The following ZC3H12B variants were observed in gnomAD, a reference collection of about 807,000 sequenced individuals.
The protein encoded by ZC3H12B is probable ribonuclease ZC3H12B.
ZC3H12B carries 7 observed loss-of-function variants against 43.9 expected under a neutral mutation model. The observed-to-expected ratio is 0.16, with a 90% CI of 0.09 to 0.30. The LOEUF (loss-of-function observed/expected upper bound fraction) is 0.30. Among genes scored for constraint, ZC3H12B ranks in the 10% least tolerant of loss-of-function variants. The pLI, the probability that ZC3H12B is intolerant of heterozygous loss-of-function variation, is 1.00. For missense variants in ZC3H12B, 475 were observed against 670.2 expected, an observed-to-expected ratio of 0.71 and a Z score of 3.22; for synonymous variants, 222 against 241.7, an observed-to-expected ratio of 0.92 and a Z score of 0.76.
chrX:65,168,951 A>T, the ZC3H12B span, among the ~76,000 whole-genome samples: 2 of 110,127 alleles, frequency 1.8e-5, no homozygotes, highest in Non-Finnish European at 3.8e-5. Context: ...TAGTCTTGCT[A>T]GTGGTCTATT....
chrX:65,222,131 A>C, the ZC3H12B span, among the ~76,000 whole-genome samples: 1 of 111,814 alleles, frequency 8.9e-6, no homozygotes, highest in African/African-American at 3.2e-5. Flanking sequence ...CAGAAAAAGC[A>C]TTTTACAAAA....
At chrX:65,084,402 C>G in the ZC3H12B span, among the ~76,000 whole-genome samples, 1 of 111,608 alleles carries the variant, frequency 9.0e-6, no homozygotes, top group Non-Finnish European at 1.9e-5. Flanking sequence ...GCTCAAACAA[C>G]TCTACAGAAA....
the ZC3H12B span, among the ~76,000 whole-genome samples, chrX:65,342,412 A>C: frequency 6.8e-4 from 76 of 112,220 alleles, no homozygotes; most frequent in South Asian, 8.0e-3. Context: ...AATTGGACAT[A>C]AAACACTCTT....
chrX:65,099,702 CA>C, the ZC3H12B span, among the ~76,000 whole-genome samples: 26 of 111,131 alleles, frequency 2.3e-4, no homozygotes, highest in African/African-American at 8.5e-4. Context: ...GGACCCCCCA[CA>C]CACACACAGA....
the ZC3H12B span, among the ~76,000 whole-genome samples, chrX:65,257,142 A>ACACATGCT: frequency 1.8e-5 from 2 of 112,167 alleles, no homozygotes; most frequent in Non-Finnish European, 3.8e-5. Flanking sequence ...TGCCATAAAG[A>ACACATGCT]CACATGCTCA....
At chrX:65,108,003 T>C in the ZC3H12B span, among the ~76,000 whole-genome samples, 1 of 111,628 alleles carries the variant, frequency 9.0e-6, no homozygotes, top group African/African-American at 3.2e-5. Flanking sequence ...AGACAAGTGT[T>C]TGTGTCTCTA....
the ZC3H12B span, among the ~76,000 whole-genome samples, chrX:65,058,464 T>C: frequency 8.9e-6 from 1 of 112,160 alleles, no homozygotes; most frequent in African/African-American, 3.2e-5. Flanking sequence ...TAACCAGCCA[T>C]GTGAGGTGTC....
At chrX:65,098,352 GTTA>G in the ZC3H12B span, among the ~76,000 whole-genome samples, 3 of 110,436 alleles carry the variant, frequency 2.7e-5, no homozygotes, top group Non-Finnish European at 5.7e-5. Context: ...AACACAGAAA[GTTA>G]TTATAAGGAA....
chrX:65,108,412 A>T, the ZC3H12B span, among the ~76,000 whole-genome samples: 4 of 110,166 alleles, frequency 3.6e-5, no homozygotes, highest in East Asian at 8.6e-4. Context: ...ATTTAATTTA[A>T]TTTTTTTTAA....
At chrX:65,085,071 A>C in the ZC3H12B span, among the ~76,000 whole-genome samples, 1 of 111,808 alleles carries the variant, frequency 8.9e-6, no homozygotes, top group African/African-American at 3.3e-5. Flanking sequence ...AATTGAACTC[A>C]TGGACATAGT....
the ZC3H12B span, among the ~76,000 whole-genome samples, chrX:65,154,692 T>A: frequency 9.0e-6 from 1 of 110,756 alleles, no homozygotes; most frequent in South Asian, 3.8e-4. Context: ...TCTACAAAAA[T>A]AAAAGAATTA....
chrX:65,218,096 G>C, the ZC3H12B span, among the ~76,000 whole-genome samples: 2 of 112,320 alleles, frequency 1.8e-5, no homozygotes, highest in African/African-American at 6.5e-5. Flanking sequence ...AAGGGACTCT[G>C]TTACATCTTA....
At chrX:65,449,772 T>A (rs2067443370) in intron 3 of ZC3H12B, among the ~76,000 whole-genome samples, 1 of 111,696 alleles carries the variant, frequency 9.0e-6, no homozygotes, top group African/African-American at 3.3e-5. Flanking sequence ...AAATACTGTA[T>A]GTTCTCACTT....
the ZC3H12B span, among the ~76,000 whole-genome samples, chrX:65,167,189 G>A: frequency 8.9e-6 from 1 of 111,918 alleles, no homozygotes; most frequent in African/African-American, 3.3e-5. Flanking sequence ...TAACATTTAA[G>A]TCTTTAATCC....
intron 3 of ZC3H12B, among the ~76,000 whole-genome samples, chrX:65,452,841 AACACACACACACACAC>A (rs111853414): frequency 1.3e-4 from 12 of 92,242 alleles, no homozygotes; most frequent in South Asian, 1.0e-3. Context: ...ACTCCATCTA[AACACACACACACACAC>A]ACACACACAC....
the ZC3H12B span, among the ~76,000 whole-genome samples, chrX:65,334,917 C>G: frequency 8.9e-6 from 1 of 111,858 alleles, no homozygotes; most frequent in African/African-American, 3.2e-5. Flanking sequence ...GCCCCATCCC[C>G]CATGGGAGTC....
the ZC3H12B span, among the ~76,000 whole-genome samples, chrX:65,077,776 G>A: frequency 8.9e-6 from 1 of 111,908 alleles, no homozygotes; most frequent in Admixed American, 9.4e-5. Context: ...TGGATTGCAG[G>A]TCTCCCCAGT....
At chrX:65,326,502 G>T in the ZC3H12B span, among the ~76,000 whole-genome samples, 1 of 109,995 alleles carries the variant, frequency 9.1e-6, no homozygotes, top group Non-Finnish European at 1.9e-5. Context: ...CCACAGGCCA[G>T]GAATAGTATA....
chrX:65,218,161 A>C, the ZC3H12B span, among the ~76,000 whole-genome samples: 2 of 112,623 alleles, frequency 1.8e-5, no homozygotes, highest in Non-Finnish European at 3.7e-5. Context: ...TATTCTAAGT[A>C]CTGAAGGAAA....
Sources: allele counts gnomAD v4.1 joint callset (sites outside exome capture counted in the v4.1 genomes callset), GRCh38; gene constraint gnomAD v4.1.1; transcripts MANE v1.5; gene names NCBI Gene and HGNC (gene_info 2026-07-23, HGNC 2026-07-21).